Variants in SLC24A4 observed in about 807,000 individuals in gnomAD.
The protein encoded by SLC24A4 is sodium/potassium/calcium exchanger 4.
A neutral mutation model predicts 79.0 loss-of-function variants in SLC24A4; 53 were observed. The ratio of observed to expected loss-of-function variants is 0.67; its 90% CI spans 0.54 to 0.84. SLC24A4 has a LOEUF of 0.84. Ranked by LOEUF, SLC24A4 falls within the 40% of genes least tolerant of loss-of-function variation. SLC24A4 has a pLI of 0.00. For synonymous variants in SLC24A4, 323 were observed against 323.8 expected (o/e 1.00, Z 0.03); for missense variants, 731 against 822.0 (o/e 0.89, Z 1.35).
chr14:92,414,450 GA>G (rs1431925059), intron 2 of SLC24A4, among the ~76,000 whole-genome samples: 1 of 152,088 alleles, frequency 6.6e-6, no homozygotes, highest in African/African-American at 2.4e-5. Flanking sequence ...GAAATCCCTA[GA>G]AAAAACTGGC....
At chr14:92,486,809 C>T (rs1302997078) in intron 14 of SLC24A4, 29 bp downstream of exon 14, 1 of 1,533,184 alleles carries the variant, frequency 6.5e-7, no homozygotes, top group Non-Finnish European at 9.0e-7. Flanking sequence ...CCCTCATAGT[C>T]ATGCAGTGCA....
At chr14:92,364,729 C>T (rs1167899257) in intron 2 of SLC24A4, among the ~76,000 whole-genome samples, 2 of 152,196 alleles carry the variant, frequency 1.3e-5, no homozygotes, top group Non-Finnish European at 2.9e-5. Context: ...CCTCTCTGAT[C>T]ACCCAGAGGA....
At chr14:92,473,566 C>A (rs1389873448) in intron 12 of SLC24A4, among the ~76,000 whole-genome samples, 1 of 152,194 alleles carries the variant, frequency 6.6e-6, no homozygotes, top group African/African-American at 2.4e-5. Context: ...CTAGCTAGAT[C>A]TTGGTTTCAG....
intron 8 of SLC24A4, among the ~76,000 whole-genome samples, chr14:92,446,197 G>A (rs930911099): frequency 3.3e-5 from 5 of 151,346 alleles, no homozygotes; most frequent in Admixed American, 6.6e-5. Context: ...TTTGAGACCC[G>A]GTCTTACTCT....
intron 6 of SLC24A4, among the ~76,000 whole-genome samples, 189 bp from the exon 7 acceptor site, chr14:92,443,211 G>T (rs2139813873): frequency 1.3e-5 from 2 of 152,332 alleles, no homozygotes; most frequent in Middle Eastern, 6.8e-3. Flanking sequence ...GGGCAGCTTT[G>T]CCATGGCTTG....
intron 14 of SLC24A4, among the ~76,000 whole-genome samples, chr14:92,487,668 G>T (rs960280362): frequency 4.6e-5 from 7 of 152,188 alleles, no homozygotes; most frequent in African/African-American, 1.4e-4. Flanking sequence ...GAATTTAACT[G>T]AGTGATCTTT....
intron 14 of SLC24A4, among the ~76,000 whole-genome samples, chr14:92,489,324 A>T (rs1377840005): frequency 6.6e-6 from 1 of 152,124 alleles, no homozygotes; most frequent in African/African-American, 2.4e-5. Flanking sequence ...CTGTAATTGC[A>T]GCTACTCGGG....
chr14:92,355,956 C>T (rs1466901330), intron 2 of SLC24A4, among the ~76,000 whole-genome samples: 1 of 152,198 alleles, frequency 6.6e-6, no homozygotes, highest in Non-Finnish European at 1.5e-5. Context: ...TCCTGACTTA[C>T]AATGGTTTGA....
rs370078031 is a variant in SLC24A4, at chr14:92,340,736, G to A, written c.241+14758G>A. ...GATATTCACCATCAGAAGCACAACC[G>A]AGAGGGGGCACGGATCCCCCTAATT... On this transcript the variant is annotated intron_variant, in intron 2 of 16. Coordinates refer to ENST00000532405, the MANE Select transcript of SLC24A4 (RefSeq NM_153646.4). Among the ~76,000 whole-genome samples the A allele has an allele frequency of 3.9e-5, 6 of 152,194 alleles. No individual in the cohort carries two copies. The East Asian group carries it at 5.8e-4, about 15-fold the overall frequency.
At chr14:92,478,315 T>G (rs982123610) in intron 12 of SLC24A4, among the ~76,000 whole-genome samples, 4 of 152,216 alleles carry the variant, frequency 2.6e-5, no homozygotes, top group Non-Finnish European at 5.9e-5. Flanking sequence ...TCAATTTTTG[T>G]GTATGGTATA....
At chr14:92,478,459 T>G (rs1170068007) in intron 12 of SLC24A4, among the ~76,000 whole-genome samples, 1 of 152,186 alleles carries the variant, frequency 6.6e-6, no homozygotes, top group African/African-American at 2.4e-5. Context: ...AATGCCTGGG[T>G]TTATTTCTGG....
In SLC24A4 at chr14:92,361,653, C is replaced by G. The variant is rs191606110; in HGVS notation, c.241+35675C>G. 1.8e-3 allele frequency among the ~76,000 whole-genome samples: 280 copies of G among 152,232 alleles called. 1 individual carries two copies. Among genetic ancestry groups the G allele is most frequent in the Non-Finnish European group, 3.3e-3 (227 of 68,020 alleles). On this transcript the variant is annotated intron_variant, in intron 2 of 16. Coordinates refer to ENST00000532405, the MANE Select transcript of SLC24A4 (RefSeq NM_153646.4). ...GTGGTGTTACAGGAGAGAAATAGTG[C>G]ACAAGCGTACTGTTTGGTGGGACAA... is the stretch of plus-strand genomic sequence containing the variant.
chr14:92,447,883 A>G (rs543256467), intron 9 of SLC24A4, among the ~76,000 whole-genome samples: 5 of 152,344 alleles, frequency 3.3e-5, no homozygotes, highest in Admixed American at 3.3e-4. Flanking sequence ...AGCACCACTG[A>G]TAGTACTGAG....
chr14:92,493,573 T>A lies in SLC24A4; in HGVS notation c.1814T>A (p.Ile605Lys), dbSNP rs773828063. ...ATCTTCTTGTGCTTCTCCATAATGA[T>A]AGAGTTTAACGTCTTTACCTTCGTC... is the stretch of plus-strand genomic sequence containing the variant. ...YAIFLCFSIM[I>K]EFNVFTFVNL... Residue 605 changes from isoleucine (I) to lysine (K), a missense_variant, in exon 17 of 17, where the codon ATA becomes AAA. By Grantham distance (102) the Ile-to-Lys change is moderately radical. Coordinates refer to ENST00000532405, the MANE Select transcript of SLC24A4 (RefSeq NM_153646.4). 6.2e-7 allele frequency: 1 copy of A among 1,614,162 alleles called. No homozygotes were observed. The highest frequency in any genetic ancestry group is 1.7e-5 in the Admixed American group (1 of 60,032).
chr14:92,374,617 C>G (rs1185781568), intron 2 of SLC24A4, among the ~76,000 whole-genome samples: 1 of 152,208 alleles, frequency 6.6e-6, no homozygotes, highest in Non-Finnish European at 1.5e-5. Flanking sequence ...ACTCCACGTT[C>G]CCTTCCTTAA....
intron 2 of SLC24A4, among the ~76,000 whole-genome samples, chr14:92,339,077 G>C (rs1885977791): frequency 6.6e-6 from 1 of 152,212 alleles, no homozygotes; most frequent in South Asian, 2.1e-4. Context: ...CACCCGGAAG[G>C]AGTTAAGTGT....
intron 2 of SLC24A4, among the ~76,000 whole-genome samples, chr14:92,393,013 A>G (rs769860517): frequency 6.6e-6 from 1 of 151,766 alleles, no homozygotes; most frequent in African/African-American, 2.4e-5. Context: ...GGCGCCATCT[A>G]TGAGGGACAC....
chr14:92,465,751 G>A (rs898152476), intron 12 of SLC24A4, among the ~76,000 whole-genome samples: 1 of 152,006 alleles, frequency 6.6e-6, no homozygotes, highest in Non-Finnish European at 1.5e-5. Context: ...GCCCCCTCCC[G>A]ACCCCCGAGA....
intron 12 of SLC24A4, among the ~76,000 whole-genome samples, chr14:92,462,913 A>C (rs1284220890): frequency 6.6e-6 from 1 of 152,178 alleles, no homozygotes; most frequent in Non-Finnish European, 1.5e-5. Context: ...CTACCACCCA[A>C]CCAAAGGACT....
Sources: gnomAD v4.1 joint callset for allele counts (sites outside exome capture counted in the v4.1 genomes callset) on GRCh38, gnomAD v4.1.1 for gene constraint, MANE v1.5 for transcripts, NCBI Gene and HGNC (gene_info 2026-07-23, HGNC 2026-07-21) for gene names.